Variants in SYCP2 observed in about 807,000 individuals in gnomAD.
SYCP2 encodes synaptonemal complex protein 2, also known as synaptonemal complex lateral element protein.
Under a neutral mutation model 211.3 loss-of-function variants are expected in SYCP2, and 55 were observed. The observed-to-expected ratio is 0.26, with a 90% confidence interval of 0.21 to 0.33. SYCP2 has a LOEUF of 0.33. Among genes scored for constraint, SYCP2 ranks in the 10% least tolerant of loss-of-function variants. SYCP2 has a pLI of 1.00. For synonymous variants in SYCP2, 570 were observed against 555.2 expected (o/e 1.03, Z -0.37); for missense variants, 1,731 against 1,752.0 (o/e 0.99, Z 0.21).
chr20:59,896,197 T>G (rs1178596707), intron 19 of SYCP2, among the ~76,000 whole-genome samples: 1 of 152,116 alleles, frequency 6.6e-6, no homozygotes, highest in African/African-American at 2.4e-5. Context: ...TGCTGTGTCC[T>G]GCTTAAATTA....
chr20:59,864,140 G>T lies in SYCP2; in HGVS notation c.*171C>A. On this transcript the variant is annotated 3_prime_UTR_variant, in exon 45 of 45. Coordinates refer to ENST00000357552, the MANE Select transcript of SYCP2 (RefSeq NM_014258.4). Reference sequence around the variant, plus strand: ...CTTCTGGGCTTGGACTCATGTTATAGTGGTTCCCTCTCATCCATTAAAAGA... The same window carrying T: ...CTTCTGGGCTTGGACTCATGTTATATTGGTTCCCTCTCATCCATTAAAAGA... 2.3e-6 allele frequency: 1 copy of T among 437,724 alleles called. No individual in the cohort carries two copies. The highest frequency in any genetic ancestry group is 4.1e-6 in the Non-Finnish European group (1 of 244,178). The allele number at this position is 437,724 out of a possible 1,614,324, so 27.1% of individuals were successfully genotyped here.
Position 59,921,322 on chromosome 20 carries a change from G to A in SYCP2, c.156C>T (p.Asn52=). The change falls in exon 4 of 45, where the codon AAC becomes AAT. Residue 52 remains asparagine, a synonymous_variant. Transcript: ENST00000357552. ...AATGAATATTTACCCTGCATATAAG[G>A]TTGTCCACCTTGTGGAAAAACTGTT... is the stretch of plus-strand genomic sequence containing the variant. ...CSKQFFHKVD[N]LICRELNKED... 1.2e-6 allele frequency: 2 copies of A among 1,600,814 alleles called. No homozygotes were observed. Among genetic ancestry groups the A allele is most frequent in the African/African-American group, 1.3e-5 (1 of 74,296 alleles).
chr20:59,923,368 T>A (rs1239651923), intron 2 of SYCP2, among the ~76,000 whole-genome samples: 1 of 151,970 alleles, frequency 6.6e-6, no homozygotes, highest in Admixed American at 6.6e-5. Context: ...TATTTGCCTG[T>A]CTTTTTTGGA....
At chr20:59,913,736 G>T (rs887371224) in intron 12 of SYCP2, among the ~76,000 whole-genome samples, 1 of 151,984 alleles carries the variant, frequency 6.6e-6, no homozygotes. Context: ...AAACAGAAAT[G>T]AACTTTTCCC....
chr20:59,906,959 T>C (rs2060225515), intron 15 of SYCP2, among the ~76,000 whole-genome samples: 1 of 152,180 alleles, frequency 6.6e-6, no homozygotes, highest in African/African-American at 2.4e-5. Flanking sequence ...TTATTACATG[T>C]CTATTGAAAT....
chr20:59,882,019 C>CA lies in SYCP2; in HGVS notation c.2601-18dup. ...ACATCATTCCTGTGAAAATGAAGAG[C>CA]AATATTAGCTCCACTTAAATATGTG... On this transcript the variant is annotated splice_polypyrimidine_tract_variant and intron_variant, in intron 27 of 44. Coordinates refer to ENST00000357552, the MANE Select transcript of SYCP2 (RefSeq NM_014258.4). 1 of 1,610,970 alleles carries CA rather than the reference C, an allele frequency of 6.2e-7. No individual in the cohort carries two copies. Among genetic ancestry groups the CA allele is most frequent in the Non-Finnish European group, 8.5e-7 (1 of 1,177,790 alleles).
chr20:59,928,021 G>C (rs2060666268), intron 2 of SYCP2, among the ~76,000 whole-genome samples: 1 of 152,134 alleles, frequency 6.6e-6, no homozygotes, highest in South Asian at 2.1e-4. Context: ...GCAGTGCCTT[G>C]GGCAGTAAGT....
intron 40 of SYCP2, 32 bp downstream of exon 40, chr20:59,866,463 A>T: frequency 6.3e-7 from 1 of 1,584,520 alleles, no homozygotes; most frequent in Non-Finnish European, 8.6e-7. Context: ...TGTAGCATTC[A>T]AAAGTTTTCA....
intron 7 of SYCP2, among the ~76,000 whole-genome samples, chr20:59,916,922 A>G (rs556809395): frequency 2.6e-4 from 40 of 152,340 alleles, no homozygotes; most frequent in Non-Finnish European, 5.0e-4. Flanking sequence ...GTCTCAAAAA[A>G]TAAAAATAAA....
chr20:59,865,096 C>T (rs896452973), intron 44 of SYCP2, among the ~76,000 whole-genome samples: 10 of 152,032 alleles, frequency 6.6e-5, no homozygotes, highest in Non-Finnish European at 1.0e-4. Flanking sequence ...GCAGGACAGA[C>T]GCCTGCTGCA....
At position 59,863,655 on chromosome 20, in the gene SYCP2, T is replaced by C. The variant is rs2059276131; in HGVS notation, c.*656A>G. 1 of 152,022 alleles carries C rather than the reference T, an allele frequency of 6.6e-6. No homozygotes were observed. Among genetic ancestry groups the C allele is most frequent in the Admixed American group, 6.6e-5 (1 of 15,246 alleles). 9.4% of individuals were successfully genotyped at this position (152,022 alleles called of 1,614,324 possible). ...GTATACTCATTTTTATAAATTAATC[T>C]AGCAAGATATTACAATGACTACTAG... is the stretch of plus-strand genomic sequence containing the variant. On this transcript the variant is annotated 3_prime_UTR_variant, in exon 45 of 45. Transcript: ENST00000357552.
chr20:59,864,238 A>G lies in SYCP2; in HGVS notation c.*73T>C. Reference sequence around the variant, plus strand: ...GTGACATGTATATTTTTCTCTTTGTAGGACTATTCTTATTTCCTCAGTTAT... The same window carrying G: ...GTGACATGTATATTTTTCTCTTTGTGGGACTATTCTTATTTCCTCAGTTAT... On this transcript the variant is annotated 3_prime_UTR_variant, in exon 45 of 45. Coordinates refer to ENST00000357552, the MANE Select transcript of SYCP2 (RefSeq NM_014258.4). The G allele has an allele frequency of 9.4e-7, 1 of 1,066,924 alleles. No individual in the cohort carries two copies. The highest frequency in any genetic ancestry group is 1.4e-6 in the Non-Finnish European group (1 of 731,104). The allele number at this position is 1,066,924 out of a possible 1,614,324, so 66.1% of individuals were successfully genotyped here.
chr20:59,915,373 G>A, intron 9 of SYCP2, 92 bp downstream of exon 9: 1 of 1,041,196 alleles, frequency 9.6e-7, no homozygotes. Flanking sequence ...CAGTTTATCA[G>A]TTTCATTATT....
chr20:59,896,045 A>G (rs933646506), intron 19 of SYCP2, among the ~76,000 whole-genome samples: 15 of 152,196 alleles, frequency 9.9e-5, no homozygotes, highest in Non-Finnish European at 1.9e-4. Flanking sequence ...ACAACTTGAT[A>G]AGATAGATAC....
chr20:59,886,640 T>C lies in SYCP2; in HGVS notation c.2492+67A>G, dbSNP rs2059794263. ...CTGAACCTATGTTTAAAATTAACCTTTTTAAAATTGTGTAATATAGTTGTA... is the reference window on the plus strand; with the variant it reads ...CTGAACCTATGTTTAAAATTAACCTCTTTAAAATTGTGTAATATAGTTGTA... On this transcript the variant is annotated intron_variant, in intron 25 of 44. Coordinates refer to ENST00000357552, the MANE Select transcript of SYCP2 (RefSeq NM_014258.4). 19 of 1,226,562 alleles carry C rather than the reference T, an allele frequency of 1.5e-5. No homozygotes were observed. The South Asian group carries it at 3.5e-4, about 22-fold the overall frequency. The allele number at this position is 1,226,562 out of a possible 1,614,324, so 76.0% of individuals were successfully genotyped here. A position where few individuals can be genotyped will look rare whatever the true frequency, so the allele number is the denominator to read the frequency against.
intron 33 of SYCP2, 60 bp from the exon 34 acceptor site, chr20:59,875,529 TAAAAC>T (rs994448979): frequency 6.1e-5 from 75 of 1,219,766 alleles, no homozygotes; most frequent in African/African-American, 4.3e-4. Context: ...CTTGGACACA[TAAAAC>T]AAATTATATT....
In SYCP2 at chr20:59,903,130, A is replaced by T. The variant is rs905689627; in HGVS notation, c.1034-1320T>A. 1.3e-4 allele frequency among the ~76,000 whole-genome samples: 20 copies of T among 152,048 alleles called. No homozygotes were observed. In the East Asian group the frequency reaches 3.8e-3, roughly 29 times the overall value. On this transcript the variant is annotated intron_variant, in intron 15 of 44. Coordinates refer to ENST00000357552, the MANE Select transcript of SYCP2 (RefSeq NM_014258.4). Reference sequence around the variant, plus strand: ...AAATTTGTCTACCTATGTTATGGCTACTTACATAGAAATTTATGAATATTT... The same window carrying T: ...AAATTTGTCTACCTATGTTATGGCTTCTTACATAGAAATTTATGAATATTT...
At chr20:59,874,134 G>A (rs565397497) in intron 34 of SYCP2, 73 bp from the exon 35 acceptor site, 12 of 683,626 alleles carry the variant, frequency 1.8e-5, no homozygotes, top group Non-Finnish European at 2.7e-5. Flanking sequence ...GAAATAGCAC[G>A]ATTAATTTAA....
At chr20:59,931,959 A>G (rs941020771) in intron 2 of SYCP2, 103 bp downstream of exon 2, 2 of 152,186 alleles carry the variant, frequency 1.3e-5, no homozygotes, top group African/African-American at 4.8e-5. Context: ...CCAGCCTCAT[A>G]AGGAAACAAT....
Sources: gnomAD v4.1 joint callset for allele counts (sites outside exome capture counted in the v4.1 genomes callset) on GRCh38, gnomAD v4.1.1 for gene constraint, MANE v1.5 for transcripts, NCBI Gene and HGNC (gene_info 2026-07-23, HGNC 2026-07-21) for gene names.